Variants in MAGT1 observed in about 807,000 individuals in gnomAD.
The protein encoded by MAGT1 is magnesium transporter 1, also known as dolichyl-diphosphooligosaccharide--protein glycosyltransferase subunit MAGT1.
Under a neutral mutation model 28.4 loss-of-function variants are expected in MAGT1, and 4 were observed. The ratio of observed to expected loss-of-function variants is 0.14; its 90% CI spans 0.07 to 0.32. The LOEUF (loss-of-function observed/expected upper bound fraction) is 0.32, where lower values mean the gene tolerates loss of function less well. MAGT1 is among the 10% of genes least tolerant of loss of function. MAGT1 has a pLI of 1.00. For missense variants in MAGT1, 193 were observed against 264.5 expected (o/e 0.73, Z 1.88); for synonymous variants, 89 against 89.7 (o/e 0.99, Z 0.04).
chrX:77,876,825 C>T (rs1308647808), intron 1 of MAGT1, among the ~76,000 whole-genome samples: 2 of 109,820 alleles, frequency 1.8e-5, no homozygotes, highest in African/African-American at 6.6e-5. Context: ...ACCAGCCTAA[C>T]CAAGATGGAG....
intron 5 of MAGT1, among the ~76,000 whole-genome samples, chrX:77,855,951 G>A (rs1429601434): frequency 1.8e-5 from 2 of 109,514 alleles, no homozygotes; most frequent in African/African-American, 6.6e-5. Flanking sequence ...TGTATTTTTA[G>A]TAGAGACAGG....
chrX:77,893,449 A>T (rs781964878), intron 1 of MAGT1, among the ~76,000 whole-genome samples: 3 of 112,002 alleles, frequency 2.7e-5, no homozygotes, highest in Non-Finnish European at 5.6e-5. Context: ...ACCATTTTAA[A>T]GTATACAATT....
At chrX:77,873,747 CTATT>C (rs1557217505) in intron 2 of MAGT1, among the ~76,000 whole-genome samples, 1 of 111,283 alleles carries the variant, frequency 9.0e-6, no homozygotes, top group African/African-American at 3.3e-5. Context: ...ATCACCTTAC[CTATT>C]TATTATTTTT....
At chrX:77,858,127 C>T (rs1330782630) in intron 3 of MAGT1, among the ~76,000 whole-genome samples, 5 of 111,660 alleles carry the variant, frequency 4.5e-5, no homozygotes, top group African/African-American at 9.7e-5. Context: ...GATGGAGTCT[C>T]GCTCTGTCAC....
chrX:77,838,693 G>C (rs1402536313), intron 8 of MAGT1, among the ~76,000 whole-genome samples: 4 of 107,072 alleles, frequency 3.7e-5, no homozygotes, highest in Admixed American at 2.0e-4. Context: ...AGGAGGCGGA[G>C]GTTGCAGTAA....
intron 7 of MAGT1, among the ~76,000 whole-genome samples, chrX:77,852,405 G>A (rs916094989): frequency 9.0e-5 from 10 of 111,462 alleles, no homozygotes; most frequent in African/African-American, 2.3e-4. Context: ...TTTTTAGAAT[G>A]CTTTCCTTAA....
chrX:77,830,725 A>G, intron 9 of MAGT1, 80 bp downstream of exon 9: 1 of 452,842 alleles, frequency 2.2e-6, no homozygotes. Context: ...AAGCAAAAAG[A>G]AGGATATTAT....
At chrX:77,857,989 G>A (rs2076985540) in intron 3 of MAGT1, among the ~76,000 whole-genome samples, 1 of 111,448 alleles carries the variant, frequency 9.0e-6, no homozygotes, top group Non-Finnish European at 1.9e-5. Context: ...AATGTTTACT[G>A]ATGAGCACCA....
chrX:77,846,452 C>T (rs1557214936), intron 7 of MAGT1, among the ~76,000 whole-genome samples: 1 of 112,316 alleles, frequency 8.9e-6, no homozygotes, highest in Non-Finnish European at 1.9e-5. Flanking sequence ...CATTCTCTGT[C>T]CAGGTTTGTT....
At chrX:77,891,739 G>C (rs944083333) in intron 1 of MAGT1, among the ~76,000 whole-genome samples, 5 of 110,622 alleles carry the variant, frequency 4.5e-5, no homozygotes, top group Admixed American at 2.9e-4. Context: ...AAACCAGCCT[G>C]GTCAACATAG....
chrX:77,868,159 TG>T (rs1165090959), intron 3 of MAGT1: 1 of 67,239 alleles, frequency 1.5e-5, no homozygotes, highest in African/African-American at 3.5e-5. Context: ...ATTTTTAGAT[TG>T]GGAAGTCATT....
At chrX:77,877,013 CAAAAAAAAAA>C (rs782800456) in intron 1 of MAGT1, among the ~76,000 whole-genome samples, 6 of 10,653 alleles carry the variant, frequency 5.6e-4, no homozygotes, top group Non-Finnish European at 1.1e-3. Flanking sequence ...AACTCCATCT[CAAAAAAAAAA>C]AAAAAAAAAA....
rs6622429 is a variant in MAGT1, at chrX:77,874,886, G to A, written c.272+542C>T. 1.4e-3 allele frequency among the ~76,000 whole-genome samples: 143 copies of A among 104,617 alleles called. No individual in the cohort carries two copies. In the East Asian group the frequency reaches 0.033, roughly 24 times the overall value. 90.8% of individuals were successfully genotyped at this position (104,617 alleles called of 115,157 possible). ...TTTTTTTTTTTTTTGAGACAGTCTCGCTCTGTCGCCCAGGCTGGAGTGCAG... is the reference window on the plus strand; with the variant it reads ...TTTTTTTTTTTTTTGAGACAGTCTCACTCTGTCGCCCAGGCTGGAGTGCAG... On this transcript the variant is annotated intron_variant, in intron 2 of 9. Transcript: ENST00000618282.
At chrX:77,855,380 A>T in intron 6 of MAGT1, 121 bp downstream of exon 6, 2 of 524,214 alleles carry the variant, frequency 3.8e-6, no homozygotes, top group Non-Finnish European at 6.7e-6. Context: ...TGTTAACACA[A>T]GAGAGATTGA....
intron 3 of MAGT1, among the ~76,000 whole-genome samples, chrX:77,858,461 G>T (rs1344772672): frequency 1.8e-5 from 2 of 111,587 alleles, no homozygotes; most frequent in Non-Finnish European, 3.8e-5. Flanking sequence ...AAAGTGCTGG[G>T]TTTACAGGCG....
At chrX:77,865,988 C>G (rs2077007909) in intron 3 of MAGT1, among the ~76,000 whole-genome samples, 1 of 63,123 alleles carries the variant, frequency 1.6e-5, no homozygotes, top group African/African-American at 3.6e-5. Context: ...AAACCCCTGT[C>G]TCTACTAAAA....
intron 8 of MAGT1, among the ~76,000 whole-genome samples, chrX:77,833,676 T>C (rs2076905248): frequency 1.8e-5 from 2 of 112,008 alleles, no homozygotes; most frequent in South Asian, 3.7e-4. Context: ...CGTTCATGGA[T>C]TGGAAGAATG....
chrX:77,840,269 C>A (rs1015075438), intron 8 of MAGT1, among the ~76,000 whole-genome samples: 14 of 102,691 alleles, frequency 1.4e-4, no homozygotes, highest in African/African-American at 2.1e-4. Context: ...AAAAAAAAAA[C>A]CCCAAAAAAC....
At chrX:77,856,365 G>T in intron 5 of MAGT1, 1 of 137,288 alleles carries the variant, frequency 7.3e-6, no homozygotes, top group South Asian at 2.0e-4. Context: ...TTGAGCCCAG[G>T]AAGCAGAGGT....
Sources: allele counts gnomAD v4.1 joint callset (sites outside exome capture counted in the v4.1 genomes callset), GRCh38; gene constraint gnomAD v4.1.1; transcripts MANE v1.5; gene names NCBI Gene and HGNC (gene_info 2026-07-23, HGNC 2026-07-21).